Variants in NAALADL2 observed in about 807,000 individuals in gnomAD.
NAALADL2 encodes the protein N-acetylated alpha-linked acidic dipeptidase like 2, also known as inactive N-acetylated-alpha-linked acidic dipeptidase-like protein 2.
Under a neutral mutation model 87.2 loss-of-function variants are expected in NAALADL2, and 76 were observed. The observed-to-expected ratio is 0.87, with a 90% CI of 0.72 to 1.05. The LOEUF is 1.05. Among genes scored for constraint, NAALADL2 ranks in the 50% least tolerant of loss-of-function variants. NAALADL2 has a pLI of 0.00. For synonymous variants in NAALADL2, 354 were observed against 331.0 expected (o/e 1.07, Z -0.75); for missense variants, 1,089 against 945.8 (o/e 1.15, Z -1.99).
intron 4 of NAALADL2, among the ~76,000 whole-genome samples, chr3:175,295,420 G>C (rs1756190803): frequency 6.6e-6 from 1 of 151,902 alleles, no homozygotes; most frequent in African/African-American, 2.4e-5. Flanking sequence ...TTTCCTCACT[G>C]ACTGGTACAG....
chr3:175,107,535 A>ACACAC (rs1560036217), intron 2 of NAALADL2, among the ~76,000 whole-genome samples: 1 of 146,056 alleles, frequency 6.8e-6, no homozygotes, highest in African/African-American at 2.6e-5. Flanking sequence ...CACACACACA[A>ACACAC]ACACACACAC....
At chr3:174,560,845 T>C (rs1376999051) in intron 2 of NAALADL2, among the ~76,000 whole-genome samples, 1 of 152,170 alleles carries the variant, frequency 6.6e-6, no homozygotes, top group African/African-American at 2.4e-5. Flanking sequence ...TCTAGAACAC[T>C]GAAAAATCTC....
intron 9 of NAALADL2, among the ~76,000 whole-genome samples, chr3:175,574,703 C>G (rs1418963430): frequency 6.6e-6 from 1 of 152,082 alleles, no homozygotes; most frequent in Admixed American, 6.6e-5. Flanking sequence ...TCCCTGTTAA[C>G]CACAGGGACA....
intron 1 of NAALADL2, among the ~76,000 whole-genome samples, chr3:174,881,934 G>T (rs1271295957): frequency 6.6e-6 from 1 of 152,064 alleles, no homozygotes; most frequent in African/African-American, 2.4e-5. Flanking sequence ...TTGGGGAAAG[G>T]CCTTTGGTGA....
chr3:175,025,107 T>C (rs1474193634), intron 1 of NAALADL2, among the ~76,000 whole-genome samples: 1 of 152,138 alleles, frequency 6.6e-6, no homozygotes, highest in African/African-American at 2.4e-5. Flanking sequence ...TTACATTTGA[T>C]TTTAGATATT....
rs183177336 is a variant in NAALADL2, at chr3:175,605,308, G to A, written c.1801-21983G>A. On this transcript the variant is annotated intron_variant, in intron 10 of 13. Transcript: ENST00000454872. ...CTGTGGCAATGATTTTTTAGTTAATGTTTGCTCAAATCTACATATGTTTTC... is the reference window on the plus strand; with the variant it reads ...CTGTGGCAATGATTTTTTAGTTAATATTTGCTCAAATCTACATATGTTTTC... Among the ~76,000 whole-genome samples the A allele has an allele frequency of 4.7e-3, 709 of 152,136 alleles. 8 individuals are homozygous for A. The highest frequency in any genetic ancestry group is 0.016 in the African/African-American group (683 of 41,522).
chr3:175,198,993 C>T (rs546514748), intron 2 of NAALADL2, among the ~76,000 whole-genome samples: 1 of 152,084 alleles, frequency 6.6e-6, no homozygotes, highest in Non-Finnish European at 1.5e-5. Flanking sequence ...ATGTTTGCAT[C>T]TGGACATTGT....
chr3:174,824,085 G>T (rs111908408), intron 3 of NAALADL2, among the ~76,000 whole-genome samples: 196 of 152,234 alleles, frequency 1.3e-3, no homozygotes, highest in African/African-American at 4.5e-3. Flanking sequence ...ACTTAAATGT[G>T]TATTATCTAA....
chr3:174,869,583 G>C (rs911934173), intron 1 of NAALADL2, among the ~76,000 whole-genome samples: 1 of 152,132 alleles, frequency 6.6e-6, no homozygotes, highest in East Asian at 1.9e-4. Flanking sequence ...CTGGATCTTC[G>C]AAGCAAAGGG....
At chr3:175,390,343 C>A (rs1768928408) in intron 5 of NAALADL2, among the ~76,000 whole-genome samples, 1 of 152,072 alleles carries the variant, frequency 6.6e-6, no homozygotes, top group Middle Eastern at 3.2e-3. Flanking sequence ...AAAATCAGTC[C>A]ATTGAGAAAG....
At chr3:175,474,931 A>G (rs1725455005) in intron 9 of NAALADL2, among the ~76,000 whole-genome samples, 1 of 152,048 alleles carries the variant, frequency 6.6e-6, no homozygotes, top group African/African-American at 2.4e-5. Flanking sequence ...ACCTTATTAT[A>G]AAGAACATGG....
chr3:175,350,776 C>T (rs1329548040), intron 5 of NAALADL2, among the ~76,000 whole-genome samples: 1 of 151,984 alleles, frequency 6.6e-6, no homozygotes, highest in East Asian at 1.9e-4. Flanking sequence ...CCCTTTTATT[C>T]CTCTAGTTAA....
At chr3:174,662,124 T>TA (rs1287930423) in intron 2 of NAALADL2, among the ~76,000 whole-genome samples, 4 of 151,968 alleles carry the variant, frequency 2.6e-5, no homozygotes, top group Non-Finnish European at 5.9e-5. Context: ...TTTGAAAATT[T>TA]AAAAAAAATT....
chr3:175,748,419 T>C (rs921030508), intron 12 of NAALADL2, among the ~76,000 whole-genome samples: 6 of 152,220 alleles, frequency 3.9e-5, no homozygotes, highest in African/African-American at 1.4e-4. Context: ...TTAGGTAATA[T>C]ACATTTTCCC....
chr3:174,844,208 G>A (rs565399168), intron 3 of NAALADL2, among the ~76,000 whole-genome samples: 21 of 152,200 alleles, frequency 1.4e-4, no homozygotes, highest in African/African-American at 4.8e-4. Context: ...GTGGGAAGAA[G>A]GGTTTTTGTC....
chr3:175,565,822 C>T (rs1560768050), intron 9 of NAALADL2, among the ~76,000 whole-genome samples: 1 of 132,946 alleles, frequency 7.5e-6, no homozygotes, highest in African/African-American at 2.7e-5. Context: ...AAACAAAAGC[C>T]CCCCCCCTTT....
At chr3:174,807,354 A>G (rs544224001) in intron 3 of NAALADL2, among the ~76,000 whole-genome samples, 2 of 152,134 alleles carry the variant, frequency 1.3e-5, no homozygotes, top group Non-Finnish European at 2.9e-5. Context: ...ATTTGTTAGT[A>G]AAATGCTCTG....
chr3:174,630,683 C>G (rs1024633601), intron 2 of NAALADL2, among the ~76,000 whole-genome samples: 1 of 152,126 alleles, frequency 6.6e-6, no homozygotes, highest in Non-Finnish European at 1.5e-5. Context: ...TTTATCACTT[C>G]AACAGCTTCG....
chr3:175,645,907 T>TAAAC (rs1441836468), intron 11 of NAALADL2, among the ~76,000 whole-genome samples: 3 of 152,102 alleles, frequency 2.0e-5, no homozygotes, highest in Non-Finnish European at 4.4e-5. Flanking sequence ...CACTTGGCAG[T>TAAAC]AAACAGCATC....
Sources: allele counts gnomAD v4.1 joint callset (sites outside exome capture counted in the v4.1 genomes callset), GRCh38; gene constraint gnomAD v4.1.1; transcripts MANE v1.5; gene names NCBI Gene and HGNC (gene_info 2026-07-23, HGNC 2026-07-21).